JAZF1: variants seen among roughly 807,000 people sequenced by gnomAD.
JAZF1 encodes the protein juxtaposed with another zinc finger protein 1.
A neutral mutation model predicts 26.4 loss-of-function variants in JAZF1; 8 were observed. That is an observed-to-expected ratio of 0.30 (90% CI 0.18 to 0.55). JAZF1 has a LOEUF of 0.55. Among genes scored for constraint, JAZF1 ranks in the 20% least tolerant of loss-of-function variants. The pLI is 0.94. For synonymous variants in JAZF1, 126 were observed against 122.3 expected (o/e 1.03, Z -0.20); for missense variants, 199 against 322.0 (o/e 0.62, Z 2.92).
intron 1 of JAZF1, 108 bp downstream of exon 1, chr7:28,180,355 G>C: frequency 2.0e-5 from 7 of 352,670 alleles, no homozygotes; most frequent in Non-Finnish European, 3.3e-5. Flanking sequence ...CGCCCTCCCC[G>C]CCCTGCCGCC....
intron 2 of JAZF1, among the ~76,000 whole-genome samples, chr7:27,949,518 A>G (rs2128354405): frequency 6.6e-6 from 1 of 152,274 alleles, no homozygotes; most frequent in Admixed American, 6.5e-5. Flanking sequence ...GGTTATTTAA[A>G]AGTCTGCCTC....
At chr7:28,076,436 G>A (rs1044574802) in intron 1 of JAZF1, among the ~76,000 whole-genome samples, 7 of 152,050 alleles carry the variant, frequency 4.6e-5, no homozygotes, top group African/African-American at 1.4e-4. Context: ...GTTCAATGCA[G>A]GCTAACCAGA....
intron 1 of JAZF1, among the ~76,000 whole-genome samples, chr7:28,004,806 C>A (rs775764173): frequency 1.3e-5 from 2 of 152,154 alleles, no homozygotes; most frequent in African/African-American, 4.8e-5. Context: ...GTGTGCACCA[C>A]CACACCTAGC....
chr7:28,046,165 C>T (rs1318602829), intron 1 of JAZF1, among the ~76,000 whole-genome samples: 1 of 152,144 alleles, frequency 6.6e-6, no homozygotes, highest in African/African-American at 2.4e-5. Flanking sequence ...CCCAGCATGA[C>T]ACAGGAATTA....
intron 1 of JAZF1, among the ~76,000 whole-genome samples, chr7:28,055,456 T>C (rs978294977): frequency 1.3e-5 from 2 of 152,270 alleles, no homozygotes; most frequent in East Asian, 3.9e-4. Context: ...GCCCACACTT[T>C]GGTGCGTGTG....
intron 1 of JAZF1, among the ~76,000 whole-genome samples, chr7:28,169,470 G>T (rs1052376016): frequency 2.0e-5 from 3 of 152,174 alleles, no homozygotes; most frequent in Admixed American, 2.0e-4. Flanking sequence ...AGTTACAGGA[G>T]GGCTGCAAAA....
At chr7:27,984,325 T>C (rs1257069542) in intron 2 of JAZF1, among the ~76,000 whole-genome samples, 1 of 152,154 alleles carries the variant, frequency 6.6e-6, no homozygotes, top group Non-Finnish European at 1.5e-5. Flanking sequence ...TAAAATAGAC[T>C]TTAAACCAAC....
intron 2 of JAZF1, among the ~76,000 whole-genome samples, chr7:27,906,517 G>A (rs780446259): frequency 6.6e-6 from 1 of 152,148 alleles, no homozygotes; most frequent in Non-Finnish European, 1.5e-5. Context: ...TCACAACTAT[G>A]GAATGATATA....
intron 1 of JAZF1, among the ~76,000 whole-genome samples, chr7:28,131,734 C>T (rs1782797128): frequency 6.6e-6 from 1 of 152,198 alleles, no homozygotes; most frequent in Non-Finnish European, 1.5e-5. Context: ...TTTGCTACCA[C>T]TCTCGGAGAG....
intron 1 of JAZF1, among the ~76,000 whole-genome samples, chr7:28,164,947 T>A (rs1783343371): frequency 6.6e-6 from 1 of 152,098 alleles, no homozygotes; most frequent in African/African-American, 2.4e-5. Flanking sequence ...GGCGGAAGGA[T>A]CACTTTAGCC....
intron 1 of JAZF1, among the ~76,000 whole-genome samples, chr7:28,130,857 T>C (rs1002912736): frequency 6.6e-6 from 1 of 152,238 alleles, no homozygotes. Flanking sequence ...GAATACCAAA[T>C]GTATGTGTGT....
rs75175643 is a variant in JAZF1, at chr7:28,064,981, G to C, written c.116-73000C>G. Among the ~76,000 whole-genome samples the C allele has an allele frequency of 3.3e-3, 510 of 152,290 alleles. 3 individuals are homozygous for C. The highest frequency in any genetic ancestry group is 4.8e-3 in the Non-Finnish European group (325 of 68,020). On this transcript the variant is annotated intron_variant, in intron 1 of 4. Transcript: ENST00000283928. Reference sequence around the variant, plus strand: ...AGTGTGAAGGGCATTTGTAGATCCTGAGTCCAAACTCACTCAAGCAGCATA... The same window carrying C: ...AGTGTGAAGGGCATTTGTAGATCCTCAGTCCAAACTCACTCAAGCAGCATA...
intron 1 of JAZF1, among the ~76,000 whole-genome samples, chr7:28,052,819 C>CTT (rs369888517): frequency 5.8e-4 from 85 of 146,444 alleles, no homozygotes; most frequent in African/African-American, 2.1e-3. Flanking sequence ...TGGATACTGG[C>CTT]TTTTTTTTTT....
At chr7:27,885,802 C>T (rs908366821) in intron 3 of JAZF1, among the ~76,000 whole-genome samples, 1 of 152,270 alleles carries the variant, frequency 6.6e-6, no homozygotes, top group East Asian at 1.9e-4. Flanking sequence ...GCAAATACCA[C>T]CTGTAATGCA....
At chr7:27,930,086 C>T (rs1784664605) in intron 2 of JAZF1, among the ~76,000 whole-genome samples, 1 of 152,018 alleles carries the variant, frequency 6.6e-6, no homozygotes, top group African/African-American at 2.4e-5. Flanking sequence ...AGCTCTGCCT[C>T]CCGGGTTCAC....
chr7:28,060,933 T>C (rs923317384), intron 1 of JAZF1, among the ~76,000 whole-genome samples: 4 of 152,168 alleles, frequency 2.6e-5, no homozygotes, highest in African/African-American at 4.8e-5. Context: ...GGCAGTACAA[T>C]TGAAAAAAAT....
intron 2 of JAZF1, among the ~76,000 whole-genome samples, chr7:27,933,901 T>C (rs7783465): frequency 0.24 from 36,038 of 152,060 alleles, 4,502 homozygotes; most frequent in South Asian, 0.29. Flanking sequence ...ACACTGTGAG[T>C]TGGCACAGGA....
At chr7:28,045,641 C>T (rs1157356839) in intron 1 of JAZF1, among the ~76,000 whole-genome samples, 1 of 152,122 alleles carries the variant, frequency 6.6e-6, no homozygotes, top group Non-Finnish European at 1.5e-5. Flanking sequence ...TAGTGACATG[C>T]TCATAGCTCA....
At chr7:27,856,663 TAC>T (rs1439819168) in intron 3 of JAZF1, among the ~76,000 whole-genome samples, 2 of 152,200 alleles carry the variant, frequency 1.3e-5, no homozygotes, top group African/African-American at 4.8e-5. Context: ...ATTAGCTAGA[TAC>T]AGAGTGTCGA....
Sources: gnomAD v4.1 joint callset for allele counts (sites outside exome capture counted in the v4.1 genomes callset) on GRCh38, gnomAD v4.1.1 for gene constraint, MANE v1.5 for transcripts, NCBI Gene and HGNC (gene_info 2026-07-23, HGNC 2026-07-21) for gene names.